The following CCDC102B variants were observed in gnomAD, a reference collection of about 807,000 sequenced individuals.
The protein encoded by CCDC102B is coiled-coil domain containing 102B.
CCDC102B carries 75 observed loss-of-function variants against 57.4 expected under a neutral mutation model. That is an observed-to-expected ratio of 1.31 (90% confidence interval 1.08 to 1.58). The LOEUF is 1.58. Ranked by LOEUF, CCDC102B falls within the 40% of genes most tolerant of loss-of-function variation. The pLI is 0.00. For synonymous variants in CCDC102B, 206 were observed against 201.9 expected (o/e 1.02, Z -0.17); for missense variants, 636 against 582.6 (o/e 1.09, Z -0.94).
chr18:68,919,706 A>G (rs4398184), intron 6 of CCDC102B, among the ~76,000 whole-genome samples: 1 of 151,998 alleles, frequency 6.6e-6, no homozygotes, highest in Non-Finnish European at 1.5e-5. Flanking sequence ...TGACAATTTT[A>G]TTACTACTTC....
At chr18:68,880,336 G>A (rs916299772) in intron 5 of CCDC102B, among the ~76,000 whole-genome samples, 8 of 152,178 alleles carry the variant, frequency 5.3e-5, no homozygotes, top group African/African-American at 9.6e-5. Flanking sequence ...CAGCTGGCCC[G>A]CAAGCACCGC....
rs1229275673 is a variant in CCDC102B at position 68,857,220 on chromosome 18, T to A, written c.936+10799T>A. Among the ~76,000 whole-genome samples the A allele has an allele frequency of 4.4e-5, 3 of 68,362 alleles. 1 individual carries two copies. Among genetic ancestry groups the A allele is most frequent in the Non-Finnish European group, 8.3e-5 (3 of 36,240 alleles). 44.8% of individuals were successfully genotyped at this position (68,362 alleles called of 152,430 possible). A position where few individuals can be genotyped will look rare whatever the true frequency, so the allele number is the denominator to read the frequency against. The stretch of plus-strand genomic sequence containing the variant: ...TTTTATATAATATATAAAAATATAT[T>A]TATATATTTTTATATATAAATATAT... On this transcript the variant is annotated intron_variant, in intron 4 of 7. Transcript: ENST00000360242.
chr18:68,759,563 G>A (rs1259738921), intron 2 of CCDC102B, among the ~76,000 whole-genome samples: 5 of 152,068 alleles, frequency 3.3e-5, no homozygotes, highest in Admixed American at 1.3e-4. Context: ...ATGGAACAAT[G>A]TCTTACAATT....
intron 2 of CCDC102B, among the ~76,000 whole-genome samples, chr18:68,727,598 C>A (rs759541916): frequency 6.6e-6 from 1 of 152,220 alleles, no homozygotes; most frequent in Non-Finnish European, 1.5e-5. Flanking sequence ...TTCTGAAAAG[C>A]CATCTGAAGA....
intron 5 of CCDC102B, among the ~76,000 whole-genome samples, chr18:68,893,463 G>A (rs1873603674): frequency 6.6e-6 from 1 of 152,150 alleles, no homozygotes; most frequent in Non-Finnish European, 1.5e-5. Context: ...GGTAAGTCTA[G>A]TAACTGGATT....
chr18:68,803,975 C>A (rs1277102403), intron 1 of CCDC102B, among the ~76,000 whole-genome samples: 1 of 152,156 alleles, frequency 6.6e-6, no homozygotes, highest in East Asian at 1.9e-4. Flanking sequence ...GTGTTCAAAG[C>A]ATCCACTCGG....
At chr18:68,952,807 T>C (rs149074329) in intron 6 of CCDC102B, among the ~76,000 whole-genome samples, 11 of 152,316 alleles carry the variant, frequency 7.2e-5, no homozygotes, top group African/African-American at 2.6e-4. Context: ...GTTGGGATGC[T>C]AAATTGTTGT....
chr18:68,858,324 T>G (rs1307070244), intron 4 of CCDC102B, among the ~76,000 whole-genome samples: 1 of 152,222 alleles, frequency 6.6e-6, no homozygotes, highest in African/African-American at 2.4e-5. Context: ...CTGTTAACAC[T>G]TTTCTTGATC....
intron 7 of CCDC102B, among the ~76,000 whole-genome samples, chr18:69,026,034 T>G (rs2051979677): frequency 6.6e-6 from 1 of 152,146 alleles, no homozygotes. Flanking sequence ...TGCACAATCC[T>G]TGTCAAGCAT....
rs1234093961 is a variant in CCDC102B at position 69,050,273 on chromosome 18, T to C, written c.1435-3757T>C. On this transcript the variant is annotated intron_variant, in intron 7 of 7. Transcript: ENST00000360242. ...TTCGATAAGATGAGATGCTCACGCGTATCACCCTTGTTGAAAACTTCTAAA... is the reference window on the plus strand; with the variant it reads ...TTCGATAAGATGAGATGCTCACGCGCATCACCCTTGTTGAAAACTTCTAAA... Among the ~76,000 whole-genome samples, 3 of 152,326 alleles carry C rather than the reference T, an allele frequency of 2.0e-5. No individual in the cohort carries two copies. In the East Asian group the frequency reaches 5.8e-4, roughly 29 times the overall value.
chr18:68,721,241 G>A (rs569865671), intron 2 of CCDC102B: 2 of 152,192 alleles, frequency 1.3e-5, no homozygotes, highest in Non-Finnish European at 2.9e-5. Context: ...TCATTAGGGT[G>A]CAGGTTAATG....
intron 1 of CCDC102B, among the ~76,000 whole-genome samples, chr18:68,818,553 A>G (rs1008115178): frequency 6.6e-6 from 1 of 152,110 alleles, no homozygotes; most frequent in Non-Finnish European, 1.5e-5. Flanking sequence ...TACCACTCCA[A>G]CTAAGGGTAA....
intron 3 of CCDC102B, among the ~76,000 whole-genome samples, chr18:68,844,068 A>G (rs187713388): frequency 2.6e-5 from 4 of 152,100 alleles, no homozygotes; most frequent in African/African-American, 9.6e-5. Flanking sequence ...TACATAATAA[A>G]AATGCATACT....
intron 2 of CCDC102B, among the ~76,000 whole-genome samples, chr18:68,763,518 C>T (rs966377821): frequency 6.6e-6 from 1 of 152,042 alleles, no homozygotes; most frequent in East Asian, 1.9e-4. Context: ...GCATGACAAC[C>T]TAATCTGAAG....
At chr18:68,971,851 ATAT>A (rs1321864547) in intron 6 of CCDC102B, among the ~76,000 whole-genome samples, 1 of 152,152 alleles carries the variant, frequency 6.6e-6, no homozygotes, top group South Asian at 2.1e-4. Flanking sequence ...ATTAAAATAC[ATAT>A]TATATCAATT....
At chr18:68,757,040 C>T (rs2145258783) in intron 2 of CCDC102B, among the ~76,000 whole-genome samples, 1 of 152,236 alleles carries the variant, frequency 6.6e-6, no homozygotes, top group Admixed American at 6.6e-5. Flanking sequence ...ATTTCCATCA[C>T]TTTTCTATCT....
intron 7 of CCDC102B, among the ~76,000 whole-genome samples, chr18:69,034,358 T>A (rs2052228671): frequency 6.6e-6 from 1 of 151,978 alleles, no homozygotes; most frequent in African/African-American, 2.4e-5. Context: ...CACATTTGGG[T>A]CTATGATCTC....
At chr18:68,897,523 A>G in intron 6 of CCDC102B, 95 bp downstream of exon 6, 3 of 1,550,042 alleles carry the variant, frequency 1.9e-6, no homozygotes, top group Non-Finnish European at 2.6e-6. Context: ...CCACATTTGG[A>G]TATTTCCTTT....
intron 6 of CCDC102B, chr18:68,897,645 A>G: frequency 6.8e-7 from 1 of 1,480,516 alleles, no homozygotes; most frequent in Non-Finnish European, 9.0e-7. Context: ...AAATCTTCAG[A>G]CAGTTTCAAG....
Sources: allele counts gnomAD v4.1 joint callset (sites outside exome capture counted in the v4.1 genomes callset), GRCh38; gene constraint gnomAD v4.1.1; transcripts MANE v1.5; gene names NCBI Gene and HGNC (gene_info 2026-07-23, HGNC 2026-07-21).